Variants in GLIS3 observed in about 807,000 individuals in gnomAD.
GLIS3 encodes the protein zinc finger protein GLIS3.
In GLIS3, 53 loss-of-function variants were observed where a neutral mutation model predicts 78.6. The ratio of observed to expected loss-of-function variants is 0.67; its 90% CI spans 0.54 to 0.85. The LOEUF is 0.85. Ranked by LOEUF, GLIS3 falls within the 40% of genes least tolerant of loss-of-function variation. The probability of loss-of-function intolerance (pLI) is 0.00; values close to 1 mark genes in which losing one functional copy is unlikely to be tolerated. For synonymous variants in GLIS3, 684 were observed against 509.9 expected, an observed-to-expected ratio of 1.34 and a Z score of -4.60; for missense variants, 1,703 against 1,231.1, an observed-to-expected ratio of 1.38 and a Z score of -5.74.
chr9:4,038,183 A>G (rs1276479204), intron 4 of GLIS3, among the ~76,000 whole-genome samples: 3 of 152,188 alleles, frequency 2.0e-5, no homozygotes, highest in Non-Finnish European at 4.4e-5. Context: ...TAATTAATCA[A>G]GAGTTTTATT....
In GLIS3 at chr9:3,937,028, G is replaced by A. The variant is rs140309338; in HGVS notation, c.1872C>T (p.Thr624=). ...RAKHQRTHLD[T]KPYACQIPGC... Reference sequence around the variant, plus strand: ...ACTGGAAAGCTCCTGCCATTCTTACGGTGTCCAGATGCGTCCGCTGGTGTT... The same window carrying A: ...ACTGGAAAGCTCCTGCCATTCTTACAGTGTCCAGATGCGTCCGCTGGTGTT... The change falls in exon 5 of 11, where the codon ACC becomes ACT. Residue 624 remains threonine, a splice_region_variant and synonymous_variant. Coordinates refer to ENST00000381971, the MANE Select transcript of GLIS3 (RefSeq NM_001042413.2). The A allele has an allele frequency of 5.0e-4, 808 of 1,612,514 alleles. 3 individuals are homozygous for A. The Middle Eastern group carries it at 8.9e-3, about 18-fold the overall frequency.
intron 7 of GLIS3, among the ~76,000 whole-genome samples, chr9:3,897,828 A>G (rs1317989612): frequency 6.6e-6 from 1 of 152,234 alleles, no homozygotes; most frequent in Non-Finnish European, 1.5e-5. Flanking sequence ...ATACTTTTCG[A>G]AAGAAAAAAA....
chr9:4,313,299 T>C (rs562885776), intron 2 of GLIS3, among the ~76,000 whole-genome samples: 1 of 152,320 alleles, frequency 6.6e-6, no homozygotes, highest in African/African-American at 2.4e-5. Flanking sequence ...GATCTTAGTT[T>C]GAGCAGCTGT....
intron 4 of GLIS3, among the ~76,000 whole-genome samples, chr9:4,044,706 C>A (rs558042295): frequency 2.1e-4 from 32 of 152,294 alleles, no homozygotes; most frequent in African/African-American, 7.5e-4. Context: ...CTGAGGGTGA[C>A]TGCTCACAGT....
intron 4 of GLIS3, among the ~76,000 whole-genome samples, chr9:4,027,343 C>G (rs1255074101): frequency 1.3e-5 from 2 of 152,214 alleles, no homozygotes; most frequent in African/African-American, 4.8e-5. Flanking sequence ...CAATTATTCA[C>G]AGCAGGAGTT....
chr9:3,992,190 G>A (rs1262822679), intron 4 of GLIS3, among the ~76,000 whole-genome samples: 1 of 152,066 alleles, frequency 6.6e-6, no homozygotes, highest in Non-Finnish European at 1.5e-5. Flanking sequence ...AAGGAGTAGT[G>A]GCATTTATTT....
At chr9:4,227,566 G>C (rs1821880946) in intron 2 of GLIS3, among the ~76,000 whole-genome samples, 1 of 152,162 alleles carries the variant, frequency 6.6e-6, no homozygotes, top group South Asian at 2.1e-4. Context: ...CCTATTGACT[G>C]CAAGAGTGAC....
intron 2 of GLIS3, among the ~76,000 whole-genome samples, chr9:4,182,861 G>T (rs948162041): frequency 3.9e-5 from 6 of 152,176 alleles, no homozygotes; most frequent in Non-Finnish European, 8.8e-5. Context: ...TGCTCTCTAT[G>T]TATCACCCTG....
the GLIS3 span, among the ~76,000 whole-genome samples, chr9:4,358,705 G>C: frequency 1.3e-5 from 2 of 152,098 alleles, no homozygotes; most frequent in African/African-American, 2.4e-5. Flanking sequence ...CAGAGGAATG[G>C]GCACACGTGT....
intron 2 of GLIS3, among the ~76,000 whole-genome samples, chr9:4,148,177 T>A (rs1834374328): frequency 6.6e-6 from 1 of 152,166 alleles, no homozygotes; most frequent in Non-Finnish European, 1.5e-5. Flanking sequence ...TCCCCCCTTT[T>A]TCTTATTATA....
chr9:4,313,887 G>C (rs1459027944), intron 2 of GLIS3, among the ~76,000 whole-genome samples: 2 of 152,160 alleles, frequency 1.3e-5, no homozygotes, highest in East Asian at 3.8e-4. Context: ...GATTTACAAG[G>C]TCTTACACAG....
rs965104479 is a variant in GLIS3, at chr9:4,058,991, A to C, written c.1710+58777T>G. The stretch of plus-strand genomic sequence containing the variant: ...AGCAAGACTCCATCTCAAAAACAAA[A>C]AAAAAAAAAGAAAAAAAGAAAAGGC... On this transcript the variant is annotated intron_variant, in intron 4 of 10. Transcript: ENST00000381971. 2.0e-5 allele frequency among the ~76,000 whole-genome samples: 3 copies of C among 151,858 alleles called. No individual in the cohort carries two copies. In the South Asian group the frequency reaches 6.2e-4, roughly 32 times the overall value.
chr9:4,484,002 C>T, the GLIS3 span, among the ~76,000 whole-genome samples: 1 of 152,188 alleles, frequency 6.6e-6, no homozygotes. Flanking sequence ...AGAAGAGCGC[C>T]TGGTATATAA....
intron 1 of GLIS3, among the ~76,000 whole-genome samples, chr9:4,295,318 CTGTT>C (rs1816383096): frequency 6.6e-6 from 1 of 152,144 alleles, no homozygotes; most frequent in Non-Finnish European, 1.5e-5. Flanking sequence ...TCACTTGTGT[CTGTT>C]TGGTCTCCCT....
At chr9:4,266,081 G>A (rs1416874730) in intron 2 of GLIS3, among the ~76,000 whole-genome samples, 1 of 151,982 alleles carries the variant, frequency 6.6e-6, no homozygotes, top group East Asian at 1.9e-4. Context: ...ACCATGCCCG[G>A]CTAATTTTTT....
rs1296622230 is a variant in GLIS3 at position 4,118,371 on chromosome 9, C to T, written c.1107G>A (p.Gln369=). ...IPQPRPVPGS[Q]KGVLVAPGGL... ...CTCCAGGGGCCACCAGCACGCCCTT[C>T]TGGCTGCCGGGCACCGGGCGCGGCT... Residue 369 remains glutamine (Q), a synonymous_variant, in exon 4 of 11, where the codon CAG becomes CAA. Transcript: ENST00000381971. This position sits in a 1 kb window ranked among gnomAD's most constrained non-coding sequence, Gnocchi z 4.7. 2.5e-6 allele frequency: 4 copies of T among 1,593,544 alleles called. No homozygotes were observed. The highest frequency in any genetic ancestry group is 3.4e-6 in the Non-Finnish European group (4 of 1,173,888).
chr9:3,963,182 C>T (rs918717872), intron 4 of GLIS3, among the ~76,000 whole-genome samples: 12 of 152,134 alleles, frequency 7.9e-5, no homozygotes, highest in Admixed American at 1.3e-4. Flanking sequence ...TTTGTGTCTA[C>T]GGAGGATGAA....
At chr9:4,155,465 C>T (rs1834982549) in intron 2 of GLIS3, among the ~76,000 whole-genome samples, 1 of 152,236 alleles carries the variant, frequency 6.6e-6, no homozygotes, top group Non-Finnish European at 1.5e-5. Flanking sequence ...CTAAACTTTT[C>T]TCTTACCCTT....
In GLIS3 at chr9:4,157,874, T is replaced by G. The variant is rs528694532; in HGVS notation, c.389-31933A>C. On this transcript the variant is annotated intron_variant, in intron 2 of 10. Coordinates refer to ENST00000381971, the MANE Select transcript of GLIS3 (RefSeq NM_001042413.2). ...TTAGCTATTGCTTTCATGGTTCATT[T>G]AGAAACTTCATGCTTCATTAAATAT... Among the ~76,000 whole-genome samples the G allele has an allele frequency of 2.0e-5, 3 of 152,366 alleles. No individual in the cohort carries two copies. The East Asian group carries it at 5.8e-4, about 29-fold the overall frequency.
Sources: gnomAD v4.1 joint callset for allele counts (sites outside exome capture counted in the v4.1 genomes callset) on GRCh38, gnomAD v4.1.1 for gene constraint, Gnocchi (gnomAD v3.1) non-coding constraint, MANE v1.5 for transcripts, NCBI Gene and HGNC (gene_info 2026-07-23, HGNC 2026-07-21) for gene names.